Variants in CKAP5 observed in about 807,000 individuals in gnomAD.
CKAP5 encodes cytoskeleton associated protein 5.
Under a neutral mutation model 232.8 loss-of-function variants are expected in CKAP5, and 27 were observed. That is an observed-to-expected ratio of 0.12 (90% CI 0.09 to 0.16). The LOEUF is 0.16. Among genes scored for constraint, CKAP5 ranks in the 10% least tolerant of loss-of-function variants. The pLI, the probability that CKAP5 is intolerant of heterozygous loss-of-function variation, is 1.00. For synonymous variants in CKAP5, 785 were observed against 841.1 expected, an observed-to-expected ratio of 0.93 and a Z score of 1.16; for missense variants, 1,838 against 2,424.7, an observed-to-expected ratio of 0.76 and a Z score of 5.08.
At chr11:46,784,315 A>G (rs551600176) in intron 17 of CKAP5, among the ~76,000 whole-genome samples, 173 bp downstream of exon 17, 1 of 152,248 alleles carries the variant, frequency 6.6e-6, no homozygotes, top group East Asian at 1.9e-4. Context: ...GTGAGCCGAG[A>G]TTGCACCATT....
At position 46,801,322 on chromosome 11, in the gene CKAP5, A is replaced by G. The variant is rs774277919; in HGVS notation, c.979-18T>C. ...CCAACAACCTACAAAGGGGGGTAAA[A>G]AGGAAAACAAAATAGTCACAGCCAT... On this transcript the variant is annotated intron_variant, in intron 8 of 43. Coordinates refer to ENST00000529230, the MANE Select transcript of CKAP5 (RefSeq NM_001008938.4). 2 of 1,573,356 alleles carry G rather than the reference A, an allele frequency of 1.3e-6. No homozygotes were observed. Among genetic ancestry groups the G allele is most frequent in the East Asian group, 2.2e-5 (1 of 44,586 alleles).
chr11:46,833,858 A>ATAT (rs977361778), intron 1 of CKAP5, among the ~76,000 whole-genome samples: 3 of 151,078 alleles, frequency 2.0e-5, no homozygotes, highest in African/African-American at 7.3e-5. Flanking sequence ...TATTATTATT[A>ATAT]TATTATTATT....
At position 46,799,246 on chromosome 11, in the gene CKAP5, C is replaced by T. The variant is rs570094460; in HGVS notation, c.1084-1074G>A. Among the ~76,000 whole-genome samples, 9 of 151,956 alleles carry T rather than the reference C, an allele frequency of 5.9e-5. No individual in the cohort carries two copies. In the East Asian group the frequency reaches 1.7e-3, roughly 29 times the overall value. ...TTATTTTTTGTCGAGACGGGGGTTTCTCCATGTTGCCCAGGCTGGGGAAGA... is the reference window on the plus strand; with the variant it reads ...TTATTTTTTGTCGAGACGGGGGTTTTTCCATGTTGCCCAGGCTGGGGAAGA... On this transcript the variant is annotated intron_variant, in intron 9 of 43. Transcript: ENST00000529230.
intron 4 of CKAP5, among the ~76,000 whole-genome samples, chr11:46,815,275 C>A (rs1939370803): frequency 6.6e-6 from 1 of 152,164 alleles, no homozygotes; most frequent in Non-Finnish European, 1.5e-5. Flanking sequence ...GTCTCAAACT[C>A]CTGACCTTGT....
At chr11:46,823,093 T>G (rs1939578228) in intron 1 of CKAP5, among the ~76,000 whole-genome samples, 1 of 151,952 alleles carries the variant, frequency 6.6e-6, no homozygotes, top group East Asian at 1.9e-4. Context: ...CCTGAGTAGC[T>G]AGGATTTGGT....
At chr11:46,816,017 A>G (rs1410107785) in intron 4 of CKAP5, among the ~76,000 whole-genome samples, 181 bp downstream of exon 4, 3 of 151,824 alleles carry the variant, frequency 2.0e-5, no homozygotes, top group Non-Finnish European at 2.9e-5. Context: ...TGAACTGCAC[A>G]TGTGAGGGAT....
At chr11:46,803,507 A>G (rs1939084389) in intron 8 of CKAP5, among the ~76,000 whole-genome samples, 1 of 152,076 alleles carries the variant, frequency 6.6e-6, no homozygotes. Flanking sequence ...GGCTCAAGCA[A>G]TCAGCCCGCC....
rs374413145 is a variant in CKAP5 at position 46,790,543 on chromosome 11, C to G, written c.1691G>C (p.Gly564Ala). 7 of 1,613,848 alleles carry G rather than the reference C, an allele frequency of 4.3e-6. No individual in the cohort carries two copies. In the East Asian group the frequency reaches 6.7e-5, roughly 15 times the overall value. Reference protein sequence around the residue: ...PPKKGKPAAPGGAGNTGTKNK... With the variant: ...PPKKGKPAAPAGAGNTGTKNK... ...CTTGGTTCCAGTATTCCCTGCGCCT[C>G]CTGGTGCAGCTGGTTTCCCCTTTTT... The change falls in exon 14 of 44, where the codon GGA (glycine) becomes GCA (alanine). Residue 564 changes from glycine to alanine, a missense_variant. Gly to Ala is a moderately conservative substitution (Grantham distance 60, BLOSUM62 0). Transcript: ENST00000529230.
chr11:46,839,419 A>G (rs1166035219), intron 1 of CKAP5, among the ~76,000 whole-genome samples: 1 of 152,232 alleles, frequency 6.6e-6, no homozygotes, highest in Non-Finnish European at 1.5e-5. Flanking sequence ...GAATAGGAAA[A>G]TCATTTAAAA....
intron 1 of CKAP5, among the ~76,000 whole-genome samples, chr11:46,843,120 T>C (rs1940100734): frequency 6.6e-6 from 1 of 151,092 alleles, no homozygotes; most frequent in African/African-American, 2.4e-5. Context: ...CCTGCTGGTC[T>C]CCCACCATTA....
intron 33 of CKAP5, 29 bp from the exon 34 acceptor site, chr11:46,759,471 C>G (rs2065138509): frequency 6.3e-7 from 1 of 1,593,492 alleles, no homozygotes; most frequent in Non-Finnish European, 8.5e-7. Context: ...GGCTCCTGAA[C>G]TAAAAGAGAC....
rs142472473 is a variant in CKAP5 at position 46,756,435 on chromosome 11, G to T, written c.4690-1368C>A. The stretch of plus-strand genomic sequence containing the variant: ...ACAGAAACGTTGAAAGGGTAGTAAA[G>T]GAACTCTTTTATCCTGAATCATTTA... On this transcript the variant is annotated intron_variant, in intron 35 of 43. Coordinates refer to ENST00000529230, the MANE Select transcript of CKAP5 (RefSeq NM_001008938.4). Among the ~76,000 whole-genome samples, 423 of 152,210 alleles carry T rather than the reference G, an allele frequency of 2.8e-3. 3 individuals carry two copies. The highest frequency in any genetic ancestry group is 9.4e-3 in the African/African-American group (389 of 41,542).
Position 46,783,305 on chromosome 11 carries a change from A to G in CKAP5, c.2218T>C (p.Ser740Pro), listed in dbSNP as rs1308970314. The G allele has an allele frequency of 1.2e-6, 2 of 1,612,204 alleles. No individual in the cohort carries two copies. The highest frequency in any genetic ancestry group is 3.3e-5 in the Admixed American group (2 of 59,896). ...AAACCAAATTCTTTTATGGCATTTGATAGCCAATTCAGAGTTTCTGACTGA... is the reference window on the plus strand; with the variant it reads ...AAACCAAATTCTTTTATGGCATTTGGTAGCCAATTCAGAGTTTCTGACTGA... ...KNQSETLNWL[S>P]NAIKEFGFSG... Residue 740 changes from serine to proline, a missense_variant, in exon 18 of 44, where the codon TCA becomes CCA. Around this residue, in one of 6 missense-constraint regions of CKAP5, gnomAD observed 767 missense variants for 954.6 expected, o/e 0.80. Transcript: ENST00000529230.
Position 46,780,176 on chromosome 11 carries a change from C to G in CKAP5, c.2433+18G>C, listed in dbSNP as rs2065328017. 14 of 1,613,280 alleles carry G rather than the reference C, an allele frequency of 8.7e-6. No individual in the cohort carries two copies. The highest frequency in any genetic ancestry group is 1.2e-5 in the Non-Finnish European group (14 of 1,179,478). On this transcript the variant is annotated intron_variant, in intron 20 of 43. Transcript: ENST00000529230. ...TCTCAAGTCCACTAACAGATTGTAT[C>G]ATTTGTGGAAATTCTACCTTCTCAA...
rs545435937 is a variant in CKAP5 at position 46,743,776 on chromosome 11, G to T, written c.*247C>A. 6 of 511,790 alleles carry T rather than the reference G, an allele frequency of 1.2e-5. No individual in the cohort carries two copies. Among genetic ancestry groups the T allele is most frequent in the Non-Finnish European group, 2.1e-5 (6 of 283,812 alleles). 31.7% of individuals were successfully genotyped at this position (511,790 alleles called of 1,614,324 possible). ...ATCTGGGAACTAGACTGAGCAGAGA[G>T]GGGGCAGCTGTTTACAAGTCTGTAC... On this transcript the variant is annotated 3_prime_UTR_variant, in exon 44 of 44. Coordinates refer to ENST00000529230, the MANE Select transcript of CKAP5 (RefSeq NM_001008938.4).
At position 46,776,295 on chromosome 11, in the gene CKAP5, G is replaced by T; in HGVS notation, c.2951C>A (p.Ser984Tyr). ...MKEWLEGEDL[S>Y]EELKKENPFL... ...AGGATTTTCCTTTTTGAGCTCTTCA[G>T]AAAGATCTTCTCCTTCCAGCCATTC... is the stretch of plus-strand genomic sequence containing the variant. Residue 984 changes from serine to tyrosine, a missense_variant, in exon 24 of 44, where the codon TCT becomes TAT. Physicochemically the swap from Ser to Tyr is moderately radical, Grantham distance 144. Around this residue, in one of 6 missense-constraint regions of CKAP5, gnomAD observed 767 missense variants for 954.6 expected, o/e 0.80. Transcript: ENST00000529230. The T allele has an allele frequency of 6.2e-7, 1 of 1,613,994 alleles. No homozygotes were observed. The highest frequency in any genetic ancestry group is 8.5e-7 in the Non-Finnish European group (1 of 1,179,922).
At chr11:46,753,251 C>T in intron 37 of CKAP5, 59 bp downstream of exon 37, 3 of 1,380,584 alleles carry the variant, frequency 2.2e-6, no homozygotes, top group Non-Finnish European at 3.0e-6. Flanking sequence ...ATTATGGTTT[C>T]TAAGTGTAAA....
At chr11:46,749,092 A>C (rs1016060660) in intron 42 of CKAP5, among the ~76,000 whole-genome samples, 1 of 151,304 alleles carries the variant, frequency 6.6e-6, no homozygotes, top group Non-Finnish European at 1.5e-5. Context: ...AGCCTCCCAA[A>C]GTCCTGGATT....
chr11:46,806,252 C>T (rs572301888), intron 8 of CKAP5, among the ~76,000 whole-genome samples: 5 of 152,258 alleles, frequency 3.3e-5, no homozygotes, highest in African/African-American at 9.6e-5. Flanking sequence ...TTCACAATGC[C>T]AATGGAAACC....
Sources: allele counts gnomAD v4.1 joint callset (sites outside exome capture counted in the v4.1 genomes callset), GRCh38; gene constraint gnomAD v4.1.1; regional missense constraint gnomAD v4.1.1; transcripts MANE v1.5; gene names NCBI Gene and HGNC (gene_info 2026-07-23, HGNC 2026-07-21).